CHODL: variants seen among roughly 807,000 people sequenced by gnomAD.
The protein encoded by CHODL is transmembrane protein MT75.
Under a neutral mutation model 34.5 loss-of-function variants are expected in CHODL, and 29 were observed. The observed-to-expected ratio is 0.84, with a 90% CI of 0.63 to 1.15. CHODL has a LOEUF of 1.15. Among genes scored for constraint, CHODL ranks in the 50% most tolerant of loss-of-function variants. The pLI is 0.00. For missense variants in CHODL, 332 were observed against 332.5 expected (o/e 1.00, Z 0.01); for synonymous variants, 125 against 116.1 (o/e 1.08, Z -0.49).
rs574487760 is a variant in CHODL at position 17,944,867 on chromosome 21, A to G, written c.-145+27467A>G. On this transcript the variant is annotated intron_variant, in intron 1 of 6. Coordinates refer to the CHODL transcript ENST00000400127. The stretch of plus-strand genomic sequence containing the variant: ...GGCTGTCTTTTCAGATGCACAGACA[A>G]CAACATAAGGGAACAAATATTACAA... Among the ~76,000 whole-genome samples, 55 of 152,360 alleles carry G rather than the reference A, an allele frequency of 3.6e-4. 1 individual carries two copies. The highest frequency in any genetic ancestry group is 1.2e-3 in the Admixed American group (18 of 15,312).
At chr21:18,229,845 C>A (rs1056936690) in intron 2 of CHODL, among the ~76,000 whole-genome samples, 1 of 152,102 alleles carries the variant, frequency 6.6e-6, no homozygotes, top group Non-Finnish European at 1.5e-5. Context: ...GTTTTCTCTT[C>A]AGTCCCAGAA....
intron 2 of CHODL, among the ~76,000 whole-genome samples, chr21:18,141,852 TA>T (rs1181111677): frequency 6.6e-6 from 1 of 151,982 alleles, no homozygotes; most frequent in African/African-American, 2.4e-5. Flanking sequence ...GTCAAGAAAC[TA>T]CATTGACTCT....
chr21:18,111,663 T>C (rs1261026698), intron 2 of CHODL, among the ~76,000 whole-genome samples: 6 of 152,206 alleles, frequency 3.9e-5, no homozygotes, highest in Admixed American at 3.9e-4. Context: ...TAGTATGTTA[T>C]AGTTCATAAT....
intron 2 of CHODL, among the ~76,000 whole-genome samples, chr21:18,081,061 T>C (rs2064935643): frequency 6.6e-6 from 1 of 152,202 alleles, no homozygotes; most frequent in South Asian, 2.1e-4. Context: ...CCTCCTTTGT[T>C]AAATATATTC....
intron 1 of CHODL, among the ~76,000 whole-genome samples, chr21:18,251,311 C>T (rs923326927): frequency 6.8e-6 from 1 of 148,122 alleles, no homozygotes; most frequent in Non-Finnish European, 1.5e-5. Context: ...AATAAAAGGG[C>T]CTGTTTATTT....
chr21:18,121,194 G>T (rs1469306832), intron 2 of CHODL, among the ~76,000 whole-genome samples: 1 of 151,974 alleles, frequency 6.6e-6, no homozygotes, highest in African/African-American at 2.4e-5. Context: ...ACTCAGCAGG[G>T]GTGTCCAATC....
intron 2 of CHODL, among the ~76,000 whole-genome samples, chr21:18,221,598 A>G (rs1197385185): frequency 6.6e-6 from 1 of 152,202 alleles, no homozygotes; most frequent in Non-Finnish European, 1.5e-5. Context: ...CTTCCTGGTT[A>G]GGTACCATAG....
At chr21:18,152,602 T>C (rs1295927464) in intron 2 of CHODL, among the ~76,000 whole-genome samples, 1 of 152,230 alleles carries the variant, frequency 6.6e-6, no homozygotes, top group African/African-American at 2.4e-5. Flanking sequence ...CTTTTTCAGA[T>C]CCTGGCCACA....
chr21:18,103,984 T>C (rs970765606), intron 2 of CHODL, among the ~76,000 whole-genome samples: 2 of 152,224 alleles, frequency 1.3e-5, no homozygotes, highest in African/African-American at 4.8e-5. Flanking sequence ...GTACAGTTGT[T>C]GTGAAGACAC....
At chr21:18,057,740 T>C (rs1295225552) in intron 2 of CHODL, among the ~76,000 whole-genome samples, 1 of 152,106 alleles carries the variant, frequency 6.6e-6, no homozygotes, top group Non-Finnish European at 1.5e-5. Flanking sequence ...ATCTCTTGTC[T>C]CTTTCACAGG....
intron 2 of CHODL, among the ~76,000 whole-genome samples, chr21:18,214,497 T>A (rs1433982975): frequency 2.0e-5 from 3 of 152,146 alleles, no homozygotes; most frequent in Non-Finnish European, 4.4e-5. Context: ...ATAACCTATC[T>A]ACACATATTA....
At position 18,261,169 on chromosome 21, in the gene CHODL, T is replaced by C. The variant is rs147942779; in HGVS notation, c.634+883T>C. ...CCAGAATTATTCAGATTAGTCATGA[T>C]GATGACTTTTAATTTACAAGCTAAA... On this transcript the variant is annotated intron_variant, in intron 4 of 5. Transcript: ENST00000299295. 3.9e-3 allele frequency among the ~76,000 whole-genome samples: 599 copies of C among 152,326 alleles called. 5 individuals carry two copies. Among genetic ancestry groups the C allele is most frequent in the African/African-American group, 0.012 (489 of 41,570 alleles).
intron 1 of CHODL, among the ~76,000 whole-genome samples, chr21:18,023,409 T>C (rs998707324): frequency 6.6e-6 from 1 of 152,074 alleles, no homozygotes; most frequent in African/African-American, 2.4e-5. Flanking sequence ...GAGGCCACCC[T>C]GCAGAGATGG....
intron 1 of CHODL, among the ~76,000 whole-genome samples, chr21:17,996,694 T>C (rs2063852714): frequency 6.6e-6 from 1 of 152,186 alleles, no homozygotes; most frequent in African/African-American, 2.4e-5. Context: ...GGATTTTATC[T>C]TGAATATGAA....
chr21:18,264,534 G>A (rs956339108), intron 5 of CHODL, among the ~76,000 whole-genome samples: 12 of 150,700 alleles, frequency 8.0e-5, no homozygotes, highest in Admixed American at 1.3e-4. Flanking sequence ...CCGGGGAGGC[G>A]GAGGTTGCAG....
intron 1 of CHODL, among the ~76,000 whole-genome samples, chr21:17,962,686 A>G (rs2063540197): frequency 6.6e-6 from 1 of 152,234 alleles, no homozygotes; most frequent in South Asian, 2.1e-4. Context: ...TCTTTTCCCT[A>G]CAATATAAAA....
chr21:18,126,534 A>C (rs1403656597), intron 2 of CHODL, among the ~76,000 whole-genome samples: 1 of 152,130 alleles, frequency 6.6e-6, no homozygotes, highest in Non-Finnish European at 1.5e-5. Context: ...ATTGCTTTGA[A>C]TAGTAATGGT....
At position 18,126,658 on chromosome 21, in the gene CHODL, T is replaced by C. The variant is rs2065548761; in HGVS notation, c.-45+98687T>C. On this transcript the variant is annotated intron_variant, in intron 2 of 6. Transcript: ENST00000400127. ...TTTATCACACACAATGATATATTAC[T>C]AGGGCTTAATATCCTCGTATGACAG... is the stretch of plus-strand genomic sequence containing the variant. 2.0e-5 allele frequency among the ~76,000 whole-genome samples: 3 copies of C among 152,104 alleles called. No individual in the cohort carries two copies. In the South Asian group the frequency reaches 6.2e-4, roughly 32 times the overall value.
chr21:18,167,209 CTCTGTGTGTGTGTGTGTGTGTG>C (rs1487553204), intron 2 of CHODL, among the ~76,000 whole-genome samples: 1 of 129,068 alleles, frequency 7.7e-6, no homozygotes, highest in Non-Finnish European at 1.7e-5. Flanking sequence ...ATTTCTCTCT[CTCTGTGTGTGTGTGTGTGTGTG>C]TGTGTGTGTG....
Sources: allele counts gnomAD v4.1 joint callset (sites outside exome capture counted in the v4.1 genomes callset), GRCh38; gene constraint gnomAD v4.1.1; transcripts MANE v1.5; gene names NCBI Gene and HGNC (gene_info 2026-07-23, HGNC 2026-07-21).